The following PPP3CA variants were observed in gnomAD, a reference collection of about 807,000 sequenced individuals.
The protein encoded by PPP3CA is CAM-PRP catalytic subunit.
Under a neutral mutation model 66.5 loss-of-function variants are expected in PPP3CA, and 14 were observed. That is an observed-to-expected ratio of 0.21 (90% CI 0.14 to 0.33). The LOEUF is 0.33. PPP3CA is among the 10% of genes least tolerant of loss of function. The pLI is 1.00. For synonymous variants in PPP3CA, 232 were observed against 226.2 expected, an observed-to-expected ratio of 1.03 and a Z score of -0.23; for missense variants, 317 against 639.5, an observed-to-expected ratio of 0.50 and a Z score of 5.44.
chr4:101,064,268 G>A (rs1728592672), intron 8 of PPP3CA, among the ~76,000 whole-genome samples: 1 of 151,902 alleles, frequency 6.6e-6, no homozygotes, highest in East Asian at 1.9e-4. Context: ...ATTTGAAGTT[G>A]CAGGAAATTC....
At chr4:101,317,257 C>T (rs1305185863) in intron 1 of PPP3CA, among the ~76,000 whole-genome samples, 1 of 72,572 alleles carries the variant, frequency 1.4e-5, no homozygotes, top group African/African-American at 4.3e-5. Flanking sequence ...ACTCCCAACA[C>T]ACACACACAC....
At chr4:101,178,809 C>T (rs1400655676) in intron 2 of PPP3CA, among the ~76,000 whole-genome samples, 1 of 152,098 alleles carries the variant, frequency 6.6e-6, no homozygotes, top group East Asian at 1.9e-4. Context: ...GTGTTCTTCA[C>T]ACAGCCCTCA....
chr4:101,043,904 T>C (rs1444525523), intron 10 of PPP3CA, among the ~76,000 whole-genome samples: 1 of 152,100 alleles, frequency 6.6e-6, no homozygotes, highest in Admixed American at 6.5e-5. Context: ...ATAACCCAGA[T>C]AAGGAGTTTT....
At chr4:101,111,796 G>C (rs528507111) in intron 2 of PPP3CA, among the ~76,000 whole-genome samples, 69 of 152,178 alleles carry the variant, frequency 4.5e-4, no homozygotes, top group African/African-American at 1.5e-3. Context: ...TGTTAATATC[G>C]TAACAAGCTT....
At chr4:101,150,846 C>T (rs1283051330) in intron 2 of PPP3CA, among the ~76,000 whole-genome samples, 4 of 152,064 alleles carry the variant, frequency 2.6e-5, no homozygotes, top group Non-Finnish European at 4.4e-5. Flanking sequence ...TCACAGCATA[C>T]GACATATTAT....
At chr4:101,036,734 C>T (rs10002927) in intron 11 of PPP3CA, among the ~76,000 whole-genome samples, 1 of 152,118 alleles carries the variant, frequency 6.6e-6, no homozygotes, top group Admixed American at 6.5e-5. Context: ...TTCTAACCCT[C>T]GCCTCTCTCT....
At chr4:101,337,511 G>A (rs1239363991) in intron 1 of PPP3CA, among the ~76,000 whole-genome samples, 3 of 152,194 alleles carry the variant, frequency 2.0e-5, no homozygotes, top group Non-Finnish European at 2.9e-5. Flanking sequence ...GACCAGAGGC[G>A]AGGACAACAG....
intron 8 of PPP3CA, among the ~76,000 whole-genome samples, chr4:101,068,081 T>C (rs533820391): frequency 3.2e-4 from 48 of 152,258 alleles, no homozygotes; most frequent in Admixed American, 2.0e-3. Context: ...GACTTGAATT[T>C]TATTCCTGTT....
chr4:101,322,205 G>A (rs559642706), intron 1 of PPP3CA, among the ~76,000 whole-genome samples: 20 of 151,930 alleles, frequency 1.3e-4, no homozygotes, highest in Admixed American at 2.0e-4. Context: ...AATCACTACC[G>A]CTCTGGTCTA....
At chr4:101,227,814 T>C (rs1725831764) in intron 1 of PPP3CA, among the ~76,000 whole-genome samples, 1 of 151,750 alleles carries the variant, frequency 6.6e-6, no homozygotes. Flanking sequence ...ACATGCAGTA[T>C]TTGGTTTTCT....
chr4:101,333,331 G>A (rs1578199825), intron 1 of PPP3CA, among the ~76,000 whole-genome samples: 1 of 104,186 alleles, frequency 9.6e-6, no homozygotes, highest in South Asian at 3.5e-4. Context: ...GTCTCACTAT[G>A]ATGTCCAGGC....
At chr4:101,218,607 T>C (rs1725525541) in intron 1 of PPP3CA, among the ~76,000 whole-genome samples, 1 of 151,936 alleles carries the variant, frequency 6.6e-6, no homozygotes, top group African/African-American at 2.4e-5. Flanking sequence ...TAAATTCCTT[T>C]CCAGAAACAA....
chr4:101,151,844 G>A (rs1030381216), intron 2 of PPP3CA, among the ~76,000 whole-genome samples: 3 of 151,680 alleles, frequency 2.0e-5, no homozygotes, highest in Non-Finnish European at 4.4e-5. Flanking sequence ...TTTTAGTAGA[G>A]ACGGGGTTTC....
At chr4:101,306,323 G>C (rs945412702) in intron 1 of PPP3CA, among the ~76,000 whole-genome samples, 3 of 152,086 alleles carry the variant, frequency 2.0e-5, no homozygotes, top group African/African-American at 7.2e-5. Flanking sequence ...ACTCACTCTT[G>C]AATCAGCACT....
At chr4:101,136,403 T>C (rs1319994873) in intron 2 of PPP3CA, among the ~76,000 whole-genome samples, 2 of 152,064 alleles carry the variant, frequency 1.3e-5, no homozygotes, top group African/African-American at 4.8e-5. Context: ...TAGCTGGACA[T>C]GGTGGCATGT....
chr4:101,278,094 T>TA (rs1465088568), intron 1 of PPP3CA, among the ~76,000 whole-genome samples: 2 of 61,042 alleles, frequency 3.3e-5, no homozygotes, highest in Middle Eastern at 7.8e-3. Context: ...GCACCAAACA[T>TA]AAAAAATGAA....
intron 5 of PPP3CA, among the ~76,000 whole-genome samples, chr4:101,097,651 CAG>C (rs1730256741): frequency 1.3e-5 from 2 of 152,180 alleles, no homozygotes; most frequent in African/African-American, 4.8e-5. Context: ...TCATTGCAAT[CAG>C]AGTTAGAAAC....
chr4:101,323,473 C>T (rs1729103884), intron 1 of PPP3CA, among the ~76,000 whole-genome samples: 1 of 152,094 alleles, frequency 6.6e-6, no homozygotes, highest in African/African-American at 2.4e-5. Flanking sequence ...ACTGATTAAC[C>T]CACTTCCCAA....
chr4:101,063,776 T>C lies in PPP3CA; in HGVS notation c.956-419A>G, dbSNP rs368060193. Among the ~76,000 whole-genome samples, 13 of 152,080 alleles carry C rather than the reference T, an allele frequency of 8.5e-5. No homozygotes were observed. In the East Asian group the frequency reaches 1.5e-3, roughly 18 times the overall value. ...TTATTTTTAAAAAGTAAAACTTCAATAGAACTCCCAACAGTTGTACAAAAT... is the reference window on the plus strand; with the variant it reads ...TTATTTTTAAAAAGTAAAACTTCAACAGAACTCCCAACAGTTGTACAAAAT... On this transcript the variant is annotated intron_variant, in intron 8 of 13. Coordinates refer to ENST00000394854, the MANE Select transcript of PPP3CA (RefSeq NM_000944.5).
Sources: gnomAD v4.1 joint callset for allele counts (sites outside exome capture counted in the v4.1 genomes callset) on GRCh38, gnomAD v4.1.1 for gene constraint, MANE v1.5 for transcripts, NCBI Gene and HGNC (gene_info 2026-07-23, HGNC 2026-07-21) for gene names.